Variants in SLC9A7 observed in about 807,000 individuals in gnomAD.
SLC9A7 encodes sodium/hydrogen exchanger 7.
A neutral mutation model predicts 52.6 loss-of-function variants in SLC9A7; 19 were observed. That is an observed-to-expected ratio of 0.36 (90% CI 0.25 to 0.53). The LOEUF (loss-of-function observed/expected upper bound fraction) is 0.53. SLC9A7 is among the 20% of genes least tolerant of loss of function. The pLI, the probability that SLC9A7 is intolerant of heterozygous loss-of-function variation, is 0.91. For synonymous variants in SLC9A7, 226 were observed against 252.1 expected, an observed-to-expected ratio of 0.90 and a Z score of 0.98; for missense variants, 455 against 597.9, an observed-to-expected ratio of 0.76 and a Z score of 2.49.
At chrX:46,684,563 T>C (rs963427391) in intron 1 of SLC9A7, among the ~76,000 whole-genome samples, 3 of 112,053 alleles carry the variant, frequency 2.7e-5, no homozygotes, top group Admixed American at 9.4e-5. Context: ...AAAAGAGATG[T>C]CTGTAGGGAA....
intron 1 of SLC9A7, among the ~76,000 whole-genome samples, chrX:46,735,173 G>T (rs774977911): frequency 9.0e-6 from 1 of 111,169 alleles, no homozygotes; most frequent in East Asian, 2.8e-4. Flanking sequence ...TTACTATCTT[G>T]TTAGTTGTTT....
intron 1 of SLC9A7, chrX:46,725,439 T>C: frequency 9.0e-7 from 1 of 1,114,915 alleles, no homozygotes; most frequent in Non-Finnish European, 1.2e-6. Context: ...ATCCTCAATC[T>C]GGTCGATTTT....
At chrX:46,709,339 C>G in intron 1 of SLC9A7, among the ~76,000 whole-genome samples, 1 of 110,620 alleles carries the variant, frequency 9.0e-6, no homozygotes, top group East Asian at 2.8e-4. Flanking sequence ...CCCAGGAGGT[C>G]AAGGCTGCAG....
Position 46,661,935 on chromosome X carries a change from G to A in SLC9A7, c.1041+81C>T, listed in dbSNP as rs182982030. 280 of 905,854 alleles carry A rather than the reference G, an allele frequency of 3.1e-4. No individual in the cohort carries two copies. The African/African-American group carries it at 5.2e-3, about 17-fold the overall frequency. The allele number at this position is 905,854 out of a possible 1,213,427, so 74.7% of individuals were successfully genotyped here. A position where few individuals can be genotyped will look rare whatever the true frequency, so the allele number is the denominator to read the frequency against. On this transcript the variant is annotated intron_variant, in intron 7 of 16. Transcript: ENST00000616978. ...CTCAATGTAAAATTCCAATTTGAAA[G>A]AACAGCTGAGAACTTTCTTTTTGAA...
intron 16 of SLC9A7, among the ~76,000 whole-genome samples, chrX:46,608,300 G>A (rs17147375): frequency 0.024 from 2,698 of 112,727 alleles, 63 homozygotes; most frequent in South Asian, 0.12. Context: ...CATGGGTTGC[G>A]TTTCCTCTCC....
Position 46,621,078 on chromosome X carries a change from G to C in SLC9A7, c.1741-19C>G, listed in dbSNP as rs1943038654. On this transcript the variant is annotated intron_variant, in intron 14 of 16. Transcript: ENST00000616978. ...GGCCGTCCTAGGAACAAACAAGAGG[G>C]CACATGCTTAGTTGTACAAAAGGGA... is the stretch of plus-strand genomic sequence containing the variant. 6 of 1,105,704 alleles carry C rather than the reference G, an allele frequency of 5.4e-6. No homozygotes were observed. In the African/African-American group the frequency reaches 9.1e-5, roughly 17 times the overall value. 91.1% of individuals were successfully genotyped at this position (1,105,704 alleles called of 1,213,427 possible). A position where few individuals can be genotyped will look rare whatever the true frequency, so the allele number is the denominator to read the frequency against.
At chrX:46,682,273 C>T (rs1433345306) in intron 2 of SLC9A7, 63 bp downstream of exon 2, 2 of 1,054,745 alleles carry the variant, frequency 1.9e-6, no homozygotes, top group African/African-American at 3.6e-5. Context: ...TCCACAAGGT[C>T]AAGACAAGTC....
intron 6 of SLC9A7, 152 bp from the exon 7 acceptor site, chrX:46,662,309 A>G: frequency 3.3e-6 from 2 of 609,907 alleles, no homozygotes; most frequent in Non-Finnish European, 5.0e-6. Context: ...AGCATTGCCC[A>G]GGGTAAATTC....
At chrX:46,723,601 G>T (rs1194536849) in intron 1 of SLC9A7, among the ~76,000 whole-genome samples, 1 of 111,232 alleles carries the variant, frequency 9.0e-6, no homozygotes, top group Non-Finnish European at 1.9e-5. Context: ...AGCAAAGCGG[G>T]TCAAGAAATG....
chrX:46,714,188 T>A (rs1944734026), intron 1 of SLC9A7, among the ~76,000 whole-genome samples: 1 of 110,554 alleles, frequency 9.0e-6, no homozygotes, highest in South Asian at 3.8e-4. Context: ...AGGTAGGGAT[T>A]ATTAACACCA....
At chrX:46,728,296 T>C (rs1159897959) in intron 1 of SLC9A7, among the ~76,000 whole-genome samples, 2 of 111,145 alleles carry the variant, frequency 1.8e-5, no homozygotes, top group African/African-American at 6.5e-5. Context: ...AAATATAAAA[T>C]ACACAACTCA....
At chrX:46,668,407 G>A (rs1356164540) in intron 5 of SLC9A7, among the ~76,000 whole-genome samples, 1 of 111,286 alleles carries the variant, frequency 9.0e-6, no homozygotes, top group Non-Finnish European at 1.9e-5. Flanking sequence ...AGGTACTCCG[G>A]AGGCTGAGGC....
intron 10 of SLC9A7, 27 bp downstream of exon 10, chrX:46,651,083 G>T: frequency 9.4e-7 from 1 of 1,068,597 alleles, no homozygotes; most frequent in Non-Finnish European, 1.3e-6. Context: ...TCTGCATGTA[G>T]AAAATGGTGG....
chrX:46,611,905 C>T (rs1238822572), intron 16 of SLC9A7, among the ~76,000 whole-genome samples: 3 of 111,989 alleles, frequency 2.7e-5, no homozygotes, highest in Non-Finnish European at 5.6e-5. Context: ...ACATCCCTTT[C>T]CCCTCTATAC....
chrX:46,666,751 T>C (rs973328368), intron 5 of SLC9A7, among the ~76,000 whole-genome samples: 3 of 112,483 alleles, frequency 2.7e-5, no homozygotes, highest in Admixed American at 9.4e-5. Context: ...GTAACACTGA[T>C]AGCTCAGGAA....
chrX:46,655,658 T>A (rs1240984342), intron 7 of SLC9A7, among the ~76,000 whole-genome samples: 1 of 112,378 alleles, frequency 8.9e-6, no homozygotes, highest in Non-Finnish European at 1.9e-5. Flanking sequence ...ACTGCGCTTT[T>A]CCGATGGGCT....
chrX:46,722,732 G>A (rs918760821), intron 1 of SLC9A7, among the ~76,000 whole-genome samples: 2 of 111,625 alleles, frequency 1.8e-5, no homozygotes, highest in African/African-American at 3.3e-5. Flanking sequence ...TGTCACACTG[G>A]GATTGCAATT....
intron 16 of SLC9A7, among the ~76,000 whole-genome samples, chrX:46,609,526 C>A: frequency 9.6e-6 from 1 of 103,836 alleles, no homozygotes; most frequent in Non-Finnish European, 1.9e-5. Context: ...TGGTGAAACC[C>A]CATCTCTATT....
At chrX:46,671,926 C>A in intron 4 of SLC9A7, among the ~76,000 whole-genome samples, 1 of 112,016 alleles carries the variant, frequency 8.9e-6, no homozygotes, top group East Asian at 2.8e-4. Context: ...GGGGACTGAG[C>A]TCCACCTCCT....
Sources: allele counts gnomAD v4.1 joint callset (sites outside exome capture counted in the v4.1 genomes callset), GRCh38; gene constraint gnomAD v4.1.1; transcripts MANE v1.5; gene names NCBI Gene and HGNC (gene_info 2026-07-23, HGNC 2026-07-21).